MGAT4A: variants seen among roughly 807,000 people sequenced by gnomAD.
MGAT4A encodes the protein alpha-1,3-mannosyl-glycoprotein 4-beta-N-acetylglucosaminyltransferase A, also known as N-acetylglucosaminyltransferase IVa.
A neutral mutation model predicts 74.1 loss-of-function variants in MGAT4A; 33 were observed. That is an observed-to-expected ratio of 0.45 (90% CI 0.34 to 0.60). The LOEUF (loss-of-function observed/expected upper bound fraction) is 0.60. Among genes scored for constraint, MGAT4A ranks in the 20% least tolerant of loss-of-function variants. The pLI, the probability that MGAT4A is intolerant of heterozygous loss-of-function variation, is 0.02. For missense variants in MGAT4A, 479 were observed against 628.3 expected (o/e 0.76, Z 2.54); for synonymous variants, 198 against 210.4 (o/e 0.94, Z 0.51).
chr2:98,646,788 C>T lies in MGAT4A; in HGVS notation c.775-1246G>A, dbSNP rs568345539. 7.0e-4 allele frequency among the ~76,000 whole-genome samples: 107 copies of T among 152,254 alleles called. No homozygotes were observed. The Middle Eastern group carries it at 0.024, about 34-fold the overall frequency. ...ATTTTAAATATCCATCACTTCATAA[C>T]GATACATTGTTTTTAAGGGGATGCA... On this transcript the variant is annotated intron_variant, in intron 8 of 15. Coordinates refer to ENST00000393487, the MANE Select transcript of MGAT4A (RefSeq NM_012214.3).
intron 8 of MGAT4A, among the ~76,000 whole-genome samples, chr2:98,654,520 A>G (rs1701630674): frequency 6.6e-6 from 1 of 152,088 alleles, no homozygotes; most frequent in Admixed American, 6.6e-5. Context: ...ACAATGACCA[A>G]TCCAAAAAAA....
chr2:98,672,718 C>T lies in MGAT4A; in HGVS notation c.403+2317G>A, dbSNP rs547400115. On this transcript the variant is annotated intron_variant, in intron 4 of 15. Coordinates refer to ENST00000393487, the MANE Select transcript of MGAT4A (RefSeq NM_012214.3). ...TGCATTCTGGAAGAAATACACAGCTCGGTCTTTCTGATCACTAATTTGATC... is the reference window on the plus strand; with the variant it reads ...TGCATTCTGGAAGAAATACACAGCTTGGTCTTTCTGATCACTAATTTGATC... 5.9e-5 allele frequency among the ~76,000 whole-genome samples: 9 copies of T among 152,252 alleles called. No individual in the cohort carries two copies. In the South Asian group the frequency reaches 1.9e-3, roughly 32 times the overall value.
chr2:98,679,715 T>C (rs184139257), intron 2 of MGAT4A, among the ~76,000 whole-genome samples: 1 of 152,232 alleles, frequency 6.6e-6, no homozygotes, highest in Non-Finnish European at 1.5e-5. Context: ...TTTGAGAGAA[T>C]CACGCGTCAA....
chr2:98,670,434 A>G (rs1701897048), intron 4 of MGAT4A, among the ~76,000 whole-genome samples: 1 of 152,194 alleles, frequency 6.6e-6, no homozygotes. Flanking sequence ...AGAGCTATCA[A>G]TTGTGATTAT....
chr2:98,724,366 C>T (rs976575297), intron 2 of MGAT4A, among the ~76,000 whole-genome samples: 4 of 152,204 alleles, frequency 2.6e-5, no homozygotes, highest in African/African-American at 9.7e-5. Flanking sequence ...CCAGAACTAT[C>T]TAGAAAGAAT....
At chr2:98,719,638 GATTT>G (rs770014529) in intron 2 of MGAT4A, among the ~76,000 whole-genome samples, 2 of 151,938 alleles carry the variant, frequency 1.3e-5, no homozygotes, top group Admixed American at 6.6e-5. Context: ...CTAGATGTTG[GATTT>G]ATTTATTTAT....
intron 2 of MGAT4A, among the ~76,000 whole-genome samples, chr2:98,719,683 T>G (rs187691052): frequency 1.8e-4 from 27 of 152,332 alleles, no homozygotes; most frequent in Admixed American, 1.6e-3. Context: ...TCTAGCTCTG[T>G]CACCCAGACT....
chr2:98,696,512 G>C (rs563147535), intron 2 of MGAT4A, among the ~76,000 whole-genome samples: 1 of 152,324 alleles, frequency 6.6e-6, no homozygotes, highest in African/African-American at 2.4e-5. Context: ...TGTAATAGAA[G>C]TAGCATGTTG....
At chr2:98,647,661 C>T (rs1380461958) in intron 8 of MGAT4A, among the ~76,000 whole-genome samples, 2 of 152,186 alleles carry the variant, frequency 1.3e-5, no homozygotes, top group Non-Finnish European at 2.9e-5. Context: ...CTTACTCAAG[C>T]ACCACCTGTG....
intron 2 of MGAT4A, among the ~76,000 whole-genome samples, chr2:98,693,834 T>C (rs1257031842): frequency 1.3e-5 from 2 of 152,018 alleles, no homozygotes; most frequent in East Asian, 1.9e-4. Context: ...CAAATATCTA[T>C]ACAAAGGAAT....
At chr2:98,645,659 T>C (rs1413007143) in intron 8 of MGAT4A, 117 bp from the exon 9 acceptor site, 1 of 743,900 alleles carries the variant, frequency 1.3e-6, no homozygotes, top group Non-Finnish European at 1.9e-6. Context: ...AAGACAATGG[T>C]AAAAACAATA....
At chr2:98,687,450 C>T (rs1168369302) in intron 2 of MGAT4A, among the ~76,000 whole-genome samples, 1 of 152,150 alleles carries the variant, frequency 6.6e-6, no homozygotes, top group Non-Finnish European at 1.5e-5. Flanking sequence ...CCTCTTACTG[C>T]ATGTCCCTAG....
chr2:98,635,386 C>A (rs1701304646), intron 13 of MGAT4A, 98 bp from the exon 14 acceptor site: 3 of 773,592 alleles, frequency 3.9e-6, no homozygotes, highest in Non-Finnish European at 6.0e-6. Flanking sequence ...ATTTGTAACA[C>A]AGCTATCCCT....
In MGAT4A at chr2:98,639,815, C is replaced by A; in HGVS notation, c.1315G>T (p.Val439Leu). ...ATTTCAATAATCACCAACCTTTCTACATTGACTGGTTTATCAAATTTAAAC... is the reference window on the plus strand; with the variant it reads ...ATTTCAATAATCACCAACCTTTCTAAATTGACTGGTTTATCAAATTTAAAC... ...ILFKFDKPVNVESYLFHSGNQ... is the reference protein window; with the variant it reads ...ILFKFDKPVNLESYLFHSGNQ... The change falls in exon 12 of 16, where the codon GTA becomes TTA. Residue 439 changes from valine to leucine, a missense_variant. Coordinates refer to ENST00000393487, the MANE Select transcript of MGAT4A (RefSeq NM_012214.3). The A allele has an allele frequency of 1.2e-6, 2 of 1,609,710 alleles. No individual in the cohort carries two copies. Among genetic ancestry groups the A allele is most frequent in the Non-Finnish European group, 1.7e-6 (2 of 1,177,344 alleles).
chr2:98,648,489 C>T (rs1183759201), intron 8 of MGAT4A, among the ~76,000 whole-genome samples: 2 of 151,448 alleles, frequency 1.3e-5, no homozygotes, highest in African/African-American at 2.4e-5. Flanking sequence ...TAGAGGGAGA[C>T]TATGTCTCGA....
rs368564510 is a variant in MGAT4A at position 98,636,500 on chromosome 2, G to A, written c.1401+17C>T. 5 of 1,582,088 alleles carry A rather than the reference G, an allele frequency of 3.2e-6. No individual in the cohort carries two copies. The African/African-American group carries it at 6.7e-5, about 21-fold the overall frequency. On this transcript the variant is annotated intron_variant, in intron 13 of 15. Coordinates refer to ENST00000393487, the MANE Select transcript of MGAT4A (RefSeq NM_012214.3). ...TATTAGTTGTTAGGGAAAGGTAAGA[G>A]GAAATAGCAGTCATACCTTAAAAGG...
At chr2:98,710,626 A>AT (rs1181494885) in intron 2 of MGAT4A, among the ~76,000 whole-genome samples, 8 of 151,980 alleles carry the variant, frequency 5.3e-5, no homozygotes, top group African/African-American at 1.9e-4. Flanking sequence ...TGCCTGGCTA[A>AT]TTTTTGTATT....
chr2:98,678,494 T>C, intron 2 of MGAT4A, 23 bp from the exon 3 acceptor site: 1 of 1,514,674 alleles, frequency 6.6e-7, no homozygotes, highest in South Asian at 1.2e-5. Context: ...CCAAAACAGT[T>C]ATAGTATATG....
intron 4 of MGAT4A, among the ~76,000 whole-genome samples, chr2:98,674,783 AG>A (rs1465266553): frequency 6.6e-6 from 1 of 152,252 alleles, no homozygotes; most frequent in African/African-American, 2.4e-5. Context: ...AAAATGACAA[AG>A]GTGTCAACAT....
Sources: gnomAD v4.1 joint callset for allele counts (sites outside exome capture counted in the v4.1 genomes callset) on GRCh38, gnomAD v4.1.1 for gene constraint, MANE v1.5 for transcripts, NCBI Gene and HGNC (gene_info 2026-07-23, HGNC 2026-07-21) for gene names.